STAU2: variants seen among roughly 807,000 people sequenced by gnomAD.
The protein encoded by STAU2 is double-stranded RNA-binding protein Staufen homolog 2.
A neutral mutation model predicts 65.9 loss-of-function variants in STAU2; 20 were observed. That is an observed-to-expected ratio of 0.30 (90% CI 0.21 to 0.44). The LOEUF (loss-of-function observed/expected upper bound fraction) is 0.44, where lower values mean the gene tolerates loss of function less well. Ranked by LOEUF, STAU2 falls within the 20% of genes least tolerant of loss-of-function variation. STAU2 has a pLI of 1.00. For missense variants in STAU2, 558 were observed against 683.9 expected, an observed-to-expected ratio of 0.82 and a Z score of 2.05; for synonymous variants, 232 against 233.9, an observed-to-expected ratio of 0.99 and a Z score of 0.07.
At chr8:73,577,048 T>C (rs1171007929) in intron 12 of STAU2, among the ~76,000 whole-genome samples, 1 of 152,236 alleles carries the variant, frequency 6.6e-6, no homozygotes, top group Non-Finnish European at 1.5e-5. Context: ...ATTCAGACTC[T>C]AGAAAACTGT....
Position 73,424,497 on chromosome 8 carries a change from G to A in STAU2, c.1531-1795C>T, listed in dbSNP as rs542484557. ...ATTACAGGTGTGAGCCACTGCACCC[G>A]GCCCCTCTTTTTGTGAACGATATGG... is the stretch of plus-strand genomic sequence containing the variant. On this transcript the variant is annotated intron_variant, in intron 13 of 14. Coordinates refer to ENST00000524300, the MANE Select transcript of STAU2 (RefSeq NM_001164380.2). 1.3e-4 allele frequency among the ~76,000 whole-genome samples: 20 copies of A among 152,062 alleles called. No homozygotes were observed. In the South Asian group the frequency reaches 2.5e-3, roughly 19 times the overall value.
intron 13 of STAU2, among the ~76,000 whole-genome samples, chr8:73,455,687 T>C (rs1458787245): frequency 6.6e-6 from 1 of 152,188 alleles, no homozygotes; most frequent in Non-Finnish European, 1.5e-5. Context: ...TTTCCTCCCC[T>C]AAAGTGCTCT....
chr8:73,614,810 T>G (rs990227304), intron 8 of STAU2, among the ~76,000 whole-genome samples: 3 of 152,218 alleles, frequency 2.0e-5, no homozygotes, highest in Non-Finnish European at 2.9e-5. Flanking sequence ...TTTTCCAAAT[T>G]TTCCGTATCA....
intron 5 of STAU2, among the ~76,000 whole-genome samples, chr8:73,679,236 T>C (rs1363569636): frequency 1.3e-5 from 2 of 152,132 alleles, no homozygotes; most frequent in Non-Finnish European, 2.9e-5. Flanking sequence ...ACGGGACATA[T>C]AGATTCACTG....
At chr8:73,583,920 A>C (rs1810178027) in intron 11 of STAU2, among the ~76,000 whole-genome samples, 1 of 152,224 alleles carries the variant, frequency 6.6e-6, no homozygotes, top group Admixed American at 6.6e-5. Flanking sequence ...TCTTATGATG[A>C]TCAGCATTTT....
At chr8:73,661,761 T>C (rs921380864) in intron 6 of STAU2, among the ~76,000 whole-genome samples, 7 of 152,218 alleles carry the variant, frequency 4.6e-5, no homozygotes, top group East Asian at 1.9e-4. Context: ...ATGCATATCA[T>C]TGGATGAATC....
chr8:73,693,474 CAA>C (rs57858834), intron 4 of STAU2, among the ~76,000 whole-genome samples: 12 of 68,430 alleles, frequency 1.8e-4, no homozygotes, highest in Admixed American at 3.2e-4. Flanking sequence ...GACTCCGTCT[CAA>C]AAAAAAAAAA....
At chr8:73,601,940 G>A (rs1811659583) in intron 10 of STAU2, among the ~76,000 whole-genome samples, 2 of 151,940 alleles carry the variant, frequency 1.3e-5, no homozygotes, top group South Asian at 4.2e-4. Flanking sequence ...GAATGTTAAG[G>A]AAAAAAATAG....
intron 6 of STAU2, among the ~76,000 whole-genome samples, chr8:73,630,510 T>TA (rs1586156627): frequency 6.6e-6 from 1 of 152,366 alleles, no homozygotes; most frequent in East Asian, 1.9e-4. Context: ...ACAATACAGA[T>TA]ACGTGTATTT....
intron 6 of STAU2, among the ~76,000 whole-genome samples, chr8:73,636,333 C>T (rs1814511189): frequency 6.6e-6 from 1 of 151,780 alleles, no homozygotes; most frequent in Admixed American, 6.6e-5. Flanking sequence ...GCCAAGATTG[C>T]ACCACTGCAC....
chr8:73,582,861 G>C (rs767553701), intron 11 of STAU2, 31 bp from the exon 12 acceptor site: 3 of 1,579,362 alleles, frequency 1.9e-6, no homozygotes, highest in Non-Finnish European at 2.6e-6. Context: ...TTCAAATCCA[G>C]AGAAACAAGC....
intron 11 of STAU2, among the ~76,000 whole-genome samples, chr8:73,586,024 C>T (rs965403642): frequency 6.6e-6 from 1 of 152,182 alleles, no homozygotes. Context: ...CCCAGCCAGC[C>T]CTGCAGAACT....
intron 11 of STAU2, among the ~76,000 whole-genome samples, chr8:73,585,793 A>C (rs1382110189): frequency 6.6e-6 from 1 of 152,088 alleles, no homozygotes; most frequent in Admixed American, 6.5e-5. Flanking sequence ...CCAAAATCTC[A>C]CCTTTAATTG....
chr8:73,723,108 CCACACA>C (rs370518442), intron 3 of STAU2, among the ~76,000 whole-genome samples: 2 of 149,070 alleles, frequency 1.3e-5, no homozygotes, highest in East Asian at 2.0e-4. Context: ...GCCCACACAC[CCACACA>C]CACACACACA....
At chr8:73,586,634 A>G (rs946487735) in intron 11 of STAU2, among the ~76,000 whole-genome samples, 1 of 147,992 alleles carries the variant, frequency 6.8e-6, no homozygotes, top group Admixed American at 6.7e-5. Context: ...GGAGAACAGA[A>G]GAAAAAAAAT....
At chr8:73,424,792 T>C (rs1816674910) in intron 13 of STAU2, among the ~76,000 whole-genome samples, 1 of 151,934 alleles carries the variant, frequency 6.6e-6, no homozygotes, top group Non-Finnish European at 1.5e-5. Context: ...GCGTCCTTTC[T>C]TTTTCTTTAG....
intron 13 of STAU2, among the ~76,000 whole-genome samples, chr8:73,468,217 A>G (rs527345879): frequency 7.9e-5 from 12 of 152,366 alleles, no homozygotes; most frequent in African/African-American, 2.9e-4. Flanking sequence ...AGGATTCCCT[A>G]TTCAACAAAT....
intron 12 of STAU2, among the ~76,000 whole-genome samples, chr8:73,562,422 G>T (rs1247822251): frequency 6.6e-6 from 1 of 152,154 alleles, no homozygotes; most frequent in African/African-American, 2.4e-5. Flanking sequence ...GGAGTTCAAG[G>T]CTGCAGTGAG....
chr8:73,527,881 G>A, intron 13 of STAU2: 1 of 111,794 alleles, frequency 8.9e-6, no homozygotes, highest in Non-Finnish European at 1.6e-5. Context: ...TTTGCAAAGG[G>A]TCTAGATTTC....
Sources: gnomAD v4.1 joint callset for allele counts (sites outside exome capture counted in the v4.1 genomes callset) on GRCh38, gnomAD v4.1.1 for gene constraint, MANE v1.5 for transcripts, NCBI Gene and HGNC (gene_info 2026-07-23, HGNC 2026-07-21) for gene names.